SYT16: variants seen among roughly 807,000 people sequenced by gnomAD.
SYT16 encodes the protein synaptotagmin 16.
Under a neutral mutation model 61.4 loss-of-function variants are expected in SYT16, and 42 were observed. The observed-to-expected ratio is 0.68, with a 90% CI of 0.53 to 0.89. The LOEUF (loss-of-function observed/expected upper bound fraction) is 0.89. Ranked by LOEUF, SYT16 falls within the 40% of genes least tolerant of loss-of-function variation. SYT16 has a pLI of 0.00. For missense variants in SYT16, 804 were observed against 807.3 expected, an observed-to-expected ratio of 1.00 and a Z score of 0.05; for synonymous variants, 314 against 302.3, an observed-to-expected ratio of 1.04 and a Z score of -0.40.
intron 3 of SYT16, among the ~76,000 whole-genome samples, chr14:62,028,719 C>T (rs2054194265): frequency 6.6e-6 from 1 of 152,062 alleles, no homozygotes; most frequent in Non-Finnish European, 1.5e-5. Flanking sequence ...AGACCAAAGT[C>T]TTATGTTCTT....
intron 1 of SYT16, among the ~76,000 whole-genome samples, chr14:61,823,244 G>A (rs929168675): frequency 2.6e-5 from 4 of 152,094 alleles, no homozygotes; most frequent in Non-Finnish European, 5.9e-5. Context: ...TTCCACCTCA[G>A]CCTCCCAAAG....
At chr14:61,933,641 T>C (rs941216435) in intron 1 of SYT16, among the ~76,000 whole-genome samples, 2 of 152,204 alleles carry the variant, frequency 1.3e-5, no homozygotes, top group African/African-American at 2.4e-5. Flanking sequence ...ACTCACAATG[T>C]GACCCCTTCC....
At chr14:62,013,684 G>A (rs2053553579) in intron 3 of SYT16, among the ~76,000 whole-genome samples, 1 of 151,916 alleles carries the variant, frequency 6.6e-6, no homozygotes, top group Non-Finnish European at 1.5e-5. Flanking sequence ...TTGACTATTC[G>A]GCCAAGTGCG....
intron 1 of SYT16, among the ~76,000 whole-genome samples, chr14:61,909,249 C>G: frequency 6.6e-6 from 1 of 152,204 alleles, no homozygotes; most frequent in East Asian, 1.9e-4. Context: ...ACAAGAGATA[C>G]TATTCCATCA....
intron 1 of SYT16, among the ~76,000 whole-genome samples, chr14:61,904,776 G>T (rs779561461): frequency 6.6e-6 from 1 of 152,132 alleles, no homozygotes; most frequent in Non-Finnish European, 1.5e-5. Flanking sequence ...GCCCACTTTT[G>T]TCACATGTAT....
At chr14:61,975,160 CA>C (rs1465509132) in intron 2 of SYT16, among the ~76,000 whole-genome samples, 3 of 152,104 alleles carry the variant, frequency 2.0e-5, no homozygotes, top group Non-Finnish European at 4.4e-5. Flanking sequence ...TAGATAAAGA[CA>C]AAAAAATCAT....
intron 3 of SYT16, among the ~76,000 whole-genome samples, chr14:62,044,473 C>A (rs532140128): frequency 6.6e-6 from 1 of 152,112 alleles, no homozygotes; most frequent in South Asian, 2.1e-4. Context: ...CCCAACAGGC[C>A]CTGGTGTGTG....
intron 7 of SYT16, among the ~76,000 whole-genome samples, chr14:62,088,535 G>A (rs73264252): frequency 0.051 from 7,828 of 152,266 alleles, 701 homozygotes; most frequent in African/African-American, 0.18. Flanking sequence ...TATATTGATA[G>A]GGATGTGAGT....
intron 3 of SYT16, among the ~76,000 whole-genome samples, chr14:62,066,944 A>C (rs1223358284): frequency 6.6e-6 from 1 of 152,206 alleles, no homozygotes; most frequent in East Asian, 1.9e-4. Flanking sequence ...CAGCACATGC[A>C]GGGAGCTCTT....
chr14:61,909,495 A>G (rs1001885766), intron 1 of SYT16, among the ~76,000 whole-genome samples: 24 of 152,004 alleles, frequency 1.6e-4, no homozygotes, highest in African/African-American at 5.8e-4. Flanking sequence ...CTCTCCCTCC[A>G]TCTTCACATG....
rs112992562 is a variant in SYT16, at chr14:61,867,586, A to G, written c.-325+54776A>G. ...GAAAATATACAAAAATTGTTTTTCT[A>G]TATACTAGCAATTAACTTAAAACAA... On this transcript the variant is annotated intron_variant, in intron 1 of 7. Transcript: ENST00000683842. Among the ~76,000 whole-genome samples, 648 of 152,224 alleles carry G rather than the reference A, an allele frequency of 4.3e-3. 4 individuals carry two copies. The highest frequency in any genetic ancestry group is 6.8e-3 in the Non-Finnish European group (462 of 67,920).
intron 1 of SYT16, among the ~76,000 whole-genome samples, chr14:61,859,006 C>T (rs2046874101): frequency 2.0e-5 from 3 of 148,106 alleles, no homozygotes; most frequent in South Asian, 2.1e-4. Context: ...AGGCGCCCAC[C>T]ACTACGCCCG....
At chr14:61,853,899 G>A (rs2046692386) in intron 1 of SYT16, among the ~76,000 whole-genome samples, 1 of 152,030 alleles carries the variant, frequency 6.6e-6, no homozygotes, top group Non-Finnish European at 1.5e-5. Flanking sequence ...ATTCATCAAG[G>A]ACATAAAATT....
intron 1 of SYT16, chr14:61,832,047 A>G: frequency 1.4e-6 from 1 of 708,312 alleles, no homozygotes; most frequent in Non-Finnish European, 2.7e-6. Flanking sequence ...AAGGAAGAAC[A>G]TGGCAGCGCC....
intron 3 of SYT16, among the ~76,000 whole-genome samples, chr14:62,066,986 A>G (rs536910714): frequency 2.0e-5 from 3 of 152,272 alleles, no homozygotes; most frequent in African/African-American, 7.2e-5. Context: ...GAGGTCAGGG[A>G]AGGACTTTCT....
intron 2 of SYT16, among the ~76,000 whole-genome samples, chr14:61,981,990 A>G (rs183958967): frequency 2.6e-4 from 39 of 152,320 alleles, no homozygotes; most frequent in African/African-American, 8.9e-4. Context: ...CCCTAAACAT[A>G]CATCACTATT....
At chr14:62,089,830 A>G (rs1002067309) in intron 7 of SYT16, among the ~76,000 whole-genome samples, 2 of 152,232 alleles carry the variant, frequency 1.3e-5, no homozygotes, top group African/African-American at 4.8e-5. Flanking sequence ...AGCAGTGTAT[A>G]GTGTCTAGCA....
chr14:62,083,147 G>A (rs1052123082), intron 6 of SYT16, among the ~76,000 whole-genome samples: 53 of 63,036 alleles, frequency 8.4e-4, no homozygotes, highest in African/African-American at 2.3e-3. Context: ...TACAGCCTCA[G>A]GTTAGGTGGG....
At chr14:61,893,740 G>C (rs1208926926) in intron 1 of SYT16, among the ~76,000 whole-genome samples, 1 of 152,166 alleles carries the variant, frequency 6.6e-6, no homozygotes, top group Non-Finnish European at 1.5e-5. Context: ...GGGAAGTTCA[G>C]TGGTCACCAT....
Sources: allele counts gnomAD v4.1 joint callset (sites outside exome capture counted in the v4.1 genomes callset), GRCh38; gene constraint gnomAD v4.1.1; transcripts MANE v1.5; gene names NCBI Gene and HGNC (gene_info 2026-07-23, HGNC 2026-07-21).